The following HP variants were observed in gnomAD, a reference collection of about 807,000 sequenced individuals.
The protein encoded by HP is haptoglobin alpha(1S)-beta.
In HP, 9 loss-of-function variants were observed where a neutral mutation model predicts 23.2. That is an observed-to-expected ratio of 0.39 (90% CI 0.23 to 0.68). The LOEUF (loss-of-function observed/expected upper bound fraction) is 0.68, where lower values mean the gene tolerates loss of function less well. Ranked by LOEUF, HP falls within the 30% of genes least tolerant of loss-of-function variation. The pLI is 0.47. For missense variants in HP, 433 were observed against 483.6 expected, an observed-to-expected ratio of 0.90 and a Z score of 0.98; for synonymous variants, 155 against 183.3, an observed-to-expected ratio of 0.85 and a Z score of 1.25.
chr16:72,058,895 T>C (rs2041495235), intron 5 of HP, among the ~76,000 whole-genome samples: 1 of 140,164 alleles, frequency 7.1e-6, no homozygotes, highest in Admixed American at 6.9e-5. Flanking sequence ...GTGACCGCCA[T>C]GACCACAGTG....
intron 2 of HP, 21 bp downstream of exon 2, chr16:72,056,264 G>C (rs569836243): frequency 6.2e-7 from 1 of 1,610,458 alleles, no homozygotes; most frequent in East Asian, 2.2e-5. Context: ...GGTTGGGTAG[G>C]AGTGTGCATC....
At chr16:72,056,326 C>T (rs553402168) in intron 2 of HP, 83 bp downstream of exon 2, 3 of 1,564,626 alleles carry the variant, frequency 1.9e-6, no homozygotes, top group East Asian at 2.3e-5. Context: ...CCAATTCCCC[C>T]TTCTTATCTC....
At chr16:72,059,074 T>C (rs2041498499) in intron 5 of HP, 40 bp from the exon 6 acceptor site, 2 of 1,542,700 alleles carry the variant, frequency 1.3e-6, no homozygotes, top group Admixed American at 1.7e-5. Context: ...GGGTCTAGAC[T>C]TGACTTCTCC....
chr16:72,060,305 A>C lies in HP; in HGVS notation c.636A>C (p.Ala212=). 1 of 1,614,142 alleles carries C rather than the reference A, an allele frequency of 6.2e-7. No individual in the cohort carries two copies. The highest frequency in any genetic ancestry group is 8.5e-7 in the Non-Finnish European group (1 of 1,180,030). The change falls in exon 7 of 7, where the codon GCA becomes GCC. Residue 212 remains alanine, a synonymous_variant. Coordinates refer to ENST00000355906, the MANE Select transcript of HP (RefSeq NM_005143.5). ...KNLFLNHSEN[A]TAKDIAPTLT... ...TCTTCCTGAACCATTCAGAAAATGC[A>C]ACAGCGAAAGACATTGCCCCTACTT...
chr16:72,058,423 G>A, intron 5 of HP, 68 bp downstream of exon 5: 1 of 398,260 alleles, frequency 2.5e-6, no homozygotes, highest in Non-Finnish European at 4.2e-6. Flanking sequence ...CATGATGGGT[G>A]GTGCTGAGGT....
chr16:72,057,260 C>T lies in HP; in HGVS notation c.191-132C>T, dbSNP rs918386846. On this transcript the variant is annotated intron_variant, in intron 3 of 6. Transcript: ENST00000355906. ...TTTCCCTTCCTCCTTCTCATATTCTCTCTCCTTTCTCCCTTCCTGTCTGCC... is the reference window on the plus strand; with the variant it reads ...TTTCCCTTCCTCCTTCTCATATTCTTTCTCCTTTCTCCCTTCCTGTCTGCC... The T allele has an allele frequency of 1.2e-5, 12 of 1,007,514 alleles. 2 individuals carry two copies. Among genetic ancestry groups the T allele is most frequent in the South Asian group, 5.3e-5 (4 of 75,336 alleles). 62.4% of individuals were successfully genotyped at this position (1,007,514 alleles called of 1,614,324 possible). A position where few individuals can be genotyped will look rare whatever the true frequency, so the allele number is the denominator to read the frequency against.
At chr16:72,055,692 T>C (rs2041448688) in intron 1 of HP, 1 of 193,228 alleles carries the variant, frequency 5.2e-6, no homozygotes, top group Non-Finnish European at 1.1e-5. Flanking sequence ...TTACGGAAAA[T>C]ATCAAGAAGT....
chr16:72,060,523 G>T lies in HP; in HGVS notation c.854G>T (p.Gly285Val), dbSNP rs2041527925. 6.2e-7 allele frequency: 1 copy of T among 1,614,134 alleles called. No homozygotes were observed. Among genetic ancestry groups the T allele is most frequent in the East Asian group, 2.2e-5 (1 of 44,842 alleles). The change falls in exon 7 of 7, where the codon GGG becomes GTG. Residue 285 changes from glycine (G) to valine (V), a missense_variant. Transcript: ENST00000355906. ...CGTGTGGGTTATGTTTCTGGCTGGG[G>T]GCGAAATGCCAATTTTAAATTTACT... Reference protein sequence around the residue: ...VGRVGYVSGWGRNANFKFTDH... With the variant: ...VGRVGYVSGWVRNANFKFTDH...
In HP at chr16:72,058,086, T is replaced by G. The variant is rs1163626117; in HGVS notation, c.266-168T>G. Reference sequence around the variant, plus strand: ...CCTTTCAATGAATTTCAGGGAATTGTGGAAATTCCTTTATTGGGATAATTG... The same window carrying G: ...CCTTTCAATGAATTTCAGGGAATTGGGGAAATTCCTTTATTGGGATAATTG... On this transcript the variant is annotated intron_variant, in intron 4 of 6. Transcript: ENST00000355906. 33 of 884,680 alleles carry G rather than the reference T, an allele frequency of 3.7e-5. 7 individuals are homozygous for G. Among genetic ancestry groups the G allele is most frequent in the Non-Finnish European group, 5.5e-5 (33 of 601,632 alleles). The allele number at this position is 884,680 out of a possible 1,614,324, so 54.8% of individuals were successfully genotyped here.
chr16:72,057,139 G>A, intron 3 of HP: 1 of 539,742 alleles, frequency 1.9e-6, no homozygotes, highest in South Asian at 2.0e-5. Flanking sequence ...TGAACCCTGA[G>A]CCCTCCCTGT....
At position 72,060,897 on chromosome 16, in the gene HP, G is replaced by A. The variant is rs757202566; in HGVS notation, c.*7G>A. 2.6e-6 allele frequency: 4 copies of A among 1,560,546 alleles called. No individual in the cohort carries two copies. In the East Asian group the frequency reaches 6.8e-5, roughly 26 times the overall value. ...GACCATAGCTGAGAACTAATGCAAGGCTGGCCGGAAGCCCTTGCCTGAAAG... is the reference window on the plus strand; with the variant it reads ...GACCATAGCTGAGAACTAATGCAAGACTGGCCGGAAGCCCTTGCCTGAAAG... On this transcript the variant is annotated 3_prime_UTR_variant, in exon 7 of 7. Coordinates refer to ENST00000355906, the MANE Select transcript of HP (RefSeq NM_005143.5).
At position 72,060,807 on chromosome 16, in the gene HP, A is replaced by T; in HGVS notation, c.1138A>T (p.Ser380Cys). 6.2e-7 allele frequency: 1 copy of T among 1,614,060 alleles called. No homozygotes were observed. Among genetic ancestry groups the T allele is most frequent in the Non-Finnish European group, 8.5e-7 (1 of 1,179,976 alleles). Residue 380 changes from serine (S) to cysteine (C), a missense_variant, in exon 7 of 7, where the codon AGC becomes TGC. This residue lies in a region of HP where 326 missense variants were observed against 358.1 expected (regional missense o/e 0.91). Transcript: ENST00000355906. ...YATGILSFDK[S>C]CAVAEYGVYV... ...GACTGGGATCTTAAGCTTTGATAAG[A>T]GCTGTGCTGTGGCTGAGTATGGTGT...
rs1475777900 is a variant in HP, at chr16:72,054,770, T to C, written c.5+113T>C. 10 of 1,570,458 alleles carry C rather than the reference T, an allele frequency of 6.4e-6. No individual in the cohort carries two copies. The Admixed American group carries it at 1.1e-4, about 17-fold the overall frequency. On this transcript the variant is annotated intron_variant, in intron 1 of 6. Coordinates refer to ENST00000355906, the MANE Select transcript of HP (RefSeq NM_005143.5). ...CAAAGAAACGGGCAAATGGGCTAAA[T>C]TATAGTGAACCAAAGGGCTTAGTGT...
At chr16:72,056,488 A>G in intron 2 of HP, 42 bp from the exon 3 acceptor site, 7 of 1,384,390 alleles carry the variant, frequency 5.1e-6, no homozygotes, top group Non-Finnish European at 6.9e-6. Flanking sequence ...CACTGGGAAC[A>G]ATTTCCAAAT....
intron 1 of HP, 124 bp from the exon 2 acceptor site, chr16:72,056,037 T>C: frequency 6.9e-7 from 1 of 1,458,292 alleles, no homozygotes. Flanking sequence ...GGCTGCTAAG[T>C]GGGAGGAGTG....
chr16:72,060,077 A>C (rs1180657729), intron 6 of HP, 35 bp from the exon 7 acceptor site: 1 of 1,604,652 alleles, frequency 6.2e-7, no homozygotes, highest in South Asian at 1.1e-5. Context: ...GCTCTTGCAC[A>C]TTTCCACTCA....
At chr16:72,056,420 C>A in intron 2 of HP, 110 bp from the exon 3 acceptor site, 1 of 1,572,270 alleles carries the variant, frequency 6.4e-7, no homozygotes, top group South Asian at 1.1e-5. Flanking sequence ...GGCTTCTATT[C>A]GGGGTGGAAG....
intron 6 of HP, 167 bp from the exon 7 acceptor site, chr16:72,059,945 A>G (rs2041514695): frequency 7.1e-7 from 1 of 1,398,822 alleles, no homozygotes; most frequent in Non-Finnish European, 9.5e-7. Context: ...AAACAGAATT[A>G]TTTTAAAACT....
rs749515653 is a variant in HP, at chr16:72,059,102, CTT to C, written c.368-9_368-8del. The C allele has an allele frequency of 6.4e-7, 1 of 1,564,132 alleles. No homozygotes were observed. Among genetic ancestry groups the C allele is most frequent in the Non-Finnish European group, 8.7e-7 (1 of 1,147,722 alleles). On this transcript the variant is annotated splice_polypyrimidine_tract_variant and intron_variant, in intron 5 of 6. Transcript: ENST00000355906. ...ACTTCTCCTTTGGCTCACTTCTTGC[CTT>C]TTGTTTCAGGAGTGTACACCTTAAA...
Sources: gnomAD v4.1 joint callset for allele counts (sites outside exome capture counted in the v4.1 genomes callset) on GRCh38, gnomAD v4.1.1 for gene constraint, gnomAD v4.1.1 regional missense constraint, MANE v1.5 for transcripts, NCBI Gene and HGNC (gene_info 2026-07-23, HGNC 2026-07-21) for gene names.